The following DIP2C variants were observed in gnomAD, a reference collection of about 807,000 sequenced individuals.
DIP2C encodes disco-interacting protein 2 homolog C.
Under a neutral mutation model 192.4 loss-of-function variants are expected in DIP2C, and 33 were observed. The ratio of observed to expected loss-of-function variants is 0.17; its 90% CI spans 0.13 to 0.23. The LOEUF (loss-of-function observed/expected upper bound fraction) is 0.23, where lower values mean the gene tolerates loss of function less well. Ranked by LOEUF, DIP2C falls within the 10% of genes least tolerant of loss-of-function variation. The probability of loss-of-function intolerance (pLI) is 1.00; values close to 1 mark genes in which losing one functional copy is unlikely to be tolerated. For synonymous variants in DIP2C, 979 were observed against 864.1 expected (o/e 1.13, Z -2.33); for missense variants, 1,537 against 2,110.1 (o/e 0.73, Z 5.32).
intron 1 of DIP2C, among the ~76,000 whole-genome samples, chr10:521,665 G>C (rs2130818182): frequency 6.6e-6 from 1 of 152,312 alleles, no homozygotes; most frequent in South Asian, 2.1e-4. Flanking sequence ...TTTAACTTTT[G>C]AATAATTTAG....
chr10:370,504 C>T (rs7088729), intron 17 of DIP2C, among the ~76,000 whole-genome samples: 18,902 of 152,268 alleles, frequency 0.12, 1,281 homozygotes, highest in East Asian at 0.2. Context: ...CCTCTGACTA[C>T]CTGTGCGACC....
intron 32 of DIP2C, 58 bp from the exon 33 acceptor site, chr10:288,479 AC>A: frequency 6.3e-7 from 1 of 1,575,220 alleles, no homozygotes; most frequent in South Asian, 1.1e-5. Context: ...TTTCCCCTTC[AC>A]CAATTCACAC....
chr10:477,778 AGG>A (rs1232776117), intron 2 of DIP2C, among the ~76,000 whole-genome samples: 8 of 141,184 alleles, frequency 5.7e-5, no homozygotes, highest in African/African-American at 2.1e-4. Context: ...AAGGAAAAGA[AGG>A]AGAGAGAAAG....
chr10:313,561 A>C (rs528586067), intron 31 of DIP2C, among the ~76,000 whole-genome samples: 1 of 152,344 alleles, frequency 6.6e-6, no homozygotes, highest in South Asian at 2.1e-4. Context: ...TTTACATCGT[A>C]TTCGGCATCA....
intron 1 of DIP2C, among the ~76,000 whole-genome samples, chr10:503,614 G>C (rs1011433625): frequency 6.6e-6 from 1 of 152,196 alleles, no homozygotes; most frequent in African/African-American, 2.4e-5. Flanking sequence ...AAACCAGTGG[G>C]TGCTAACCAC....
intron 4 of DIP2C, among the ~76,000 whole-genome samples, chr10:425,846 G>A (rs762238681): frequency 3.9e-5 from 6 of 152,182 alleles, no homozygotes; most frequent in Non-Finnish European, 5.9e-5. Context: ...AACAAAATCA[G>A]GAATAGAAGG....
intron 4 of DIP2C, among the ~76,000 whole-genome samples, chr10:429,915 T>C (rs1589778070): frequency 1.3e-5 from 2 of 152,160 alleles, no homozygotes; most frequent in South Asian, 2.1e-4. Flanking sequence ...GTGTAATTCC[T>C]AGATCATATG....
chr10:600,833 T>C (rs1384466907), intron 1 of DIP2C, among the ~76,000 whole-genome samples: 1 of 152,222 alleles, frequency 6.6e-6, no homozygotes, highest in Non-Finnish European at 1.5e-5. Context: ...GTCTCAACCA[T>C]AAGAGAATCA....
intron 1 of DIP2C, among the ~76,000 whole-genome samples, chr10:592,694 T>G (rs1468518938): frequency 6.6e-6 from 1 of 152,176 alleles, no homozygotes; most frequent in Non-Finnish European, 1.5e-5. Flanking sequence ...TTTAATTCTT[T>G]GTAAATTATA....
intron 16 of DIP2C, among the ~76,000 whole-genome samples, chr10:383,186 A>AAAAAT (rs1242299946): frequency 1.3e-5 from 2 of 152,232 alleles, no homozygotes; most frequent in Non-Finnish European, 1.5e-5. Context: ...TTCTTTATGC[A>AAAAAT]AGATGTATTG....
chr10:514,641 C>T (rs948718512), intron 1 of DIP2C, among the ~76,000 whole-genome samples: 1 of 151,922 alleles, frequency 6.6e-6, no homozygotes, highest in African/African-American at 2.4e-5. Context: ...CTCCTGGCCC[C>T]TGACACCGAC....
chr10:564,224 C>G (rs372231059), intron 1 of DIP2C, among the ~76,000 whole-genome samples: 2 of 152,056 alleles, frequency 1.3e-5, no homozygotes, highest in East Asian at 1.9e-4. Flanking sequence ...CCCCCACCCC[C>G]GCACGTGGTT....
chr10:579,037 CCA>C (rs1371735726), intron 1 of DIP2C, among the ~76,000 whole-genome samples: 1 of 151,758 alleles, frequency 6.6e-6, no homozygotes, highest in African/African-American at 2.4e-5. Flanking sequence ...ACATCCAGAC[CCA>C]GTGTACAAAC....
intron 1 of DIP2C, among the ~76,000 whole-genome samples, chr10:645,275 G>A (rs1855389725): frequency 6.6e-6 from 1 of 152,176 alleles, no homozygotes; most frequent in African/African-American, 2.4e-5. Flanking sequence ...GCAGAGTCTT[G>A]TCTTGAAAAG....
At chr10:641,972 A>C (rs1855219393) in intron 1 of DIP2C, among the ~76,000 whole-genome samples, 1 of 152,076 alleles carries the variant, frequency 6.6e-6, no homozygotes, top group Admixed American at 6.6e-5. Flanking sequence ...GCAGGGAGCC[A>C]AGATTGCACC....
At chr10:375,742 C>T (rs1203354423) in intron 17 of DIP2C, among the ~76,000 whole-genome samples, 1 of 152,174 alleles carries the variant, frequency 6.6e-6, no homozygotes, top group Non-Finnish European at 1.5e-5. Flanking sequence ...AAAACAAACA[C>T]ATCAAGTAGT....
intron 17 of DIP2C, among the ~76,000 whole-genome samples, chr10:382,037 C>T (rs1176589856): frequency 2.0e-5 from 3 of 152,176 alleles, no homozygotes; most frequent in East Asian, 1.9e-4. Flanking sequence ...AACCCACAGA[C>T]GGCTCCACTT....
chr10:374,476 T>TC (rs1019747726), intron 17 of DIP2C, among the ~76,000 whole-genome samples: 5 of 152,314 alleles, frequency 3.3e-5, no homozygotes, highest in Non-Finnish European at 7.4e-5. Context: ...ACCATGACCC[T>TC]CCCTGTTTAG....
chr10:393,826 GAA>G (rs1203515501), intron 10 of DIP2C, among the ~76,000 whole-genome samples: 1 of 110,650 alleles, frequency 9.0e-6, no homozygotes, highest in Non-Finnish European at 1.9e-5. Flanking sequence ...AAAGGAAAAG[GAA>G]AAAAAAAAAA....
Sources: gnomAD v4.1 joint callset for allele counts (sites outside exome capture counted in the v4.1 genomes callset) on GRCh38, gnomAD v4.1.1 for gene constraint, MANE v1.5 for transcripts, NCBI Gene and HGNC (gene_info 2026-07-23, HGNC 2026-07-21) for gene names.